The following FRMD3 variants were observed in gnomAD, a reference collection of about 807,000 sequenced individuals.
FRMD3 encodes the protein FERM domain-containing protein 3.
FRMD3 carries 33 observed loss-of-function variants against 70.2 expected under a neutral mutation model. The observed-to-expected ratio is 0.47, with a 90% CI of 0.36 to 0.63. FRMD3 has a LOEUF of 0.63. Among genes scored for constraint, FRMD3 ranks in the 20% least tolerant of loss-of-function variants. The pLI is 0.00. For missense variants in FRMD3, 632 were observed against 711.4 expected, an observed-to-expected ratio of 0.89 and a Z score of 1.27; for synonymous variants, 279 against 255.9, an observed-to-expected ratio of 1.09 and a Z score of -0.86.
At chr9:83,464,235 GGT>G (rs1207256850) in intron 1 of FRMD3, among the ~76,000 whole-genome samples, 28 of 152,282 alleles carry the variant, frequency 1.8e-4, no homozygotes, top group Admixed American at 9.8e-4. Flanking sequence ...GGCAAAGAAC[GGT>G]GTGTTCTGAT....
intron 1 of FRMD3, among the ~76,000 whole-genome samples, chr9:83,409,584 T>C (rs1826222509): frequency 6.6e-6 from 1 of 152,228 alleles, no homozygotes; most frequent in Non-Finnish European, 1.5e-5. Flanking sequence ...TTGTGTATGA[T>C]TACAACCACC....
chr9:83,579,109 G>C, the FRMD3 span, among the ~76,000 whole-genome samples: 2 of 151,774 alleles, frequency 1.3e-5, no homozygotes, highest in African/African-American at 4.8e-5. Context: ...TAACCAAGGA[G>C]ATGAAAGACC....
chr9:83,490,040 A>C (rs1162818489), intron 1 of FRMD3, among the ~76,000 whole-genome samples: 1 of 152,048 alleles, frequency 6.6e-6, no homozygotes, highest in African/African-American at 2.4e-5. Context: ...TTTAATATAC[A>C]CTGGCGCCCA....
intron 13 of FRMD3, chr9:83,276,355 T>C (rs778650773): frequency 1.1e-4 from 17 of 152,254 alleles, no homozygotes; most frequent in Non-Finnish European, 2.1e-4. Context: ...AAGTCATAAT[T>C]AAAGATAATG....
At chr9:83,487,589 A>C (rs1043088611) in intron 1 of FRMD3, among the ~76,000 whole-genome samples, 1 of 152,240 alleles carries the variant, frequency 6.6e-6, no homozygotes, top group African/African-American at 2.4e-5. Flanking sequence ...ATGTTAACTA[A>C]GTACTGAAAA....
At chr9:83,446,988 TTTTTGTTTTGTTTTGTTTTGTTTTG>T (rs141194581) in intron 1 of FRMD3, among the ~76,000 whole-genome samples, 111 of 146,856 alleles carry the variant, frequency 7.6e-4, no homozygotes, top group Non-Finnish European at 1.1e-3. Context: ...CAGATCAGGG[TTTTTGTTTTGTTTTGTTTTGTTTTG>T]TTTTGTTTTG....
At chr9:83,491,675 A>G (rs184431006) in intron 1 of FRMD3, among the ~76,000 whole-genome samples, 199 of 152,264 alleles carry the variant, frequency 1.3e-3, no homozygotes, top group Admixed American at 2.0e-3. Context: ...GGCCAGCACG[A>G]TGGAAAAAGG....
At chr9:83,407,880 C>CTCTCTCTCTCTCTCTCTCTCATCTT (rs1826166937) in intron 1 of FRMD3, among the ~76,000 whole-genome samples, 1 of 119,256 alleles carries the variant, frequency 8.4e-6, no homozygotes, top group African/African-American at 4.3e-5. Context: ...TCTCATCTTT[C>CTCTCTCTCTCTCTCTCTCTCATCTT]TCTCTCTCTC....
In FRMD3 at chr9:83,450,208, C is replaced by T. The variant is rs538103303; in HGVS notation, c.148-60500G>A. ...AGGCATGTGTGTGTGTGCACCCGTG[C>T]GCGCACACACACACACACACAGACA... On this transcript the variant is annotated intron_variant, in intron 1 of 13. Coordinates refer to ENST00000304195, the MANE Select transcript of FRMD3 (RefSeq NM_174938.6). 8.4e-4 allele frequency among the ~76,000 whole-genome samples: 86 copies of T among 102,760 alleles called. 2 individuals carry two copies. In the East Asian group the frequency reaches 0.017, roughly 20 times the overall value. 67.4% of individuals were successfully genotyped at this position (102,760 alleles called of 152,430 possible). A position where few individuals can be genotyped will look rare whatever the true frequency, so the allele number is the denominator to read the frequency against.
At chr9:83,555,899 C>T in the FRMD3 span, among the ~76,000 whole-genome samples, 3 of 152,178 alleles carry the variant, frequency 2.0e-5, no homozygotes, top group Non-Finnish European at 4.4e-5. Context: ...GTGGGAGAAG[C>T]GTGGTTTCCC....
intron 1 of FRMD3, among the ~76,000 whole-genome samples, chr9:83,471,408 C>T (rs1828265335): frequency 6.6e-6 from 1 of 152,200 alleles, no homozygotes; most frequent in South Asian, 2.1e-4. Context: ...CACAATAATG[C>T]TCAGCAGATG....
chr9:83,305,682 C>T lies in FRMD3; in HGVS notation c.926+3854G>A, dbSNP rs543682205. Among the ~76,000 whole-genome samples, 13 of 152,336 alleles carry T rather than the reference C, an allele frequency of 8.5e-5. No individual in the cohort carries two copies. The South Asian group carries it at 2.7e-3, about 32-fold the overall frequency. ...GCCAGAACAAGTGATACTTCCCCTC[C>T]TTCCTCAGGAACAAGGATGGTTATG... On this transcript the variant is annotated intron_variant, in intron 10 of 13. Coordinates refer to ENST00000304195, the MANE Select transcript of FRMD3 (RefSeq NM_174938.6).
intron 1 of FRMD3, among the ~76,000 whole-genome samples, chr9:83,403,302 A>G (rs190362250): frequency 2.0e-5 from 3 of 152,188 alleles, no homozygotes; most frequent in Non-Finnish European, 4.4e-5. Context: ...TAATGGTAGC[A>G]TTTTTTGCAA....
chr9:83,297,585 T>C (rs1438614552), intron 12 of FRMD3: 14 of 354,026 alleles, frequency 4.0e-5, no homozygotes, highest in Admixed American at 3.6e-4. Flanking sequence ...TTCTGCTGCA[T>C]TGAATAAGTA....
chr9:83,370,651 C>T (rs1824941070), intron 3 of FRMD3, among the ~76,000 whole-genome samples: 1 of 152,192 alleles, frequency 6.6e-6, no homozygotes. Context: ...GTGGCTCACT[C>T]CTGAAATCCC....
chr9:83,267,830 A>G (rs960058391), intron 13 of FRMD3, among the ~76,000 whole-genome samples: 5 of 152,182 alleles, frequency 3.3e-5, no homozygotes, highest in Admixed American at 6.5e-5. Flanking sequence ...GCACATCTCA[A>G]TTCGAACCAG....
Position 83,247,199 on chromosome 9 carries a change from A to G in FRMD3, c.*719T>C. 1.0e-6 allele frequency: 1 copy of G among 985,370 alleles called. No individual in the cohort carries two copies. Among genetic ancestry groups the G allele is most frequent in the East Asian group, 1.1e-4 (1 of 8,814 alleles). 61.0% of individuals were successfully genotyped at this position (985,370 alleles called of 1,614,324 possible). ...CTCCAGTTCCATCCTCTGTTTTAGC[A>G]GCTTACTTACTATAGTGTCTTTCTA... On this transcript the variant is annotated 3_prime_UTR_variant, in exon 14 of 14. Transcript: ENST00000304195.
the FRMD3 span, among the ~76,000 whole-genome samples, chr9:83,576,200 CAAGTAGAATT>C: frequency 4.6e-5 from 7 of 152,010 alleles, no homozygotes; most frequent in African/African-American, 1.7e-4. Flanking sequence ...TCACCATGGC[CAAGTAGAATT>C]AATCCCAGGA....
intron 1 of FRMD3, among the ~76,000 whole-genome samples, chr9:83,440,313 A>G (rs12350642): frequency 0.12 from 17,986 of 152,286 alleles, 1,262 homozygotes; most frequent in African/African-American, 0.18. Flanking sequence ...AATGTAATCA[A>G]TACATCAGTG....
Sources: gnomAD v4.1 joint callset for allele counts (sites outside exome capture counted in the v4.1 genomes callset) on GRCh38, gnomAD v4.1.1 for gene constraint, MANE v1.5 for transcripts, NCBI Gene and HGNC (gene_info 2026-07-23, HGNC 2026-07-21) for gene names.